DENND1A: variants seen among roughly 807,000 people sequenced by gnomAD.
DENND1A encodes the protein DENN domain-containing protein 1A.
Under a neutral mutation model 113.7 loss-of-function variants are expected in DENND1A, and 51 were observed. The ratio of observed to expected loss-of-function variants is 0.45; its 90% confidence interval spans 0.36 to 0.57. DENND1A has a LOEUF of 0.57. Among genes scored for constraint, DENND1A ranks in the 20% least tolerant of loss-of-function variants. The pLI is 0.00. For missense variants in DENND1A, 1,258 were observed against 1,395.9 expected (o/e 0.90, Z 1.57); for synonymous variants, 565 against 570.8 (o/e 0.99, Z 0.14).
At chr9:123,659,974 C>CGAA (rs2063147388) in intron 8 of DENND1A, among the ~76,000 whole-genome samples, 1 of 152,226 alleles carries the variant, frequency 6.6e-6, no homozygotes, top group Admixed American at 6.5e-5. Context: ...AGAGGAAAGG[C>CGAA]TTTCCTGCTT....
In DENND1A at chr9:123,538,851, T is replaced by TACAC. The variant is rs1425995154; in HGVS notation, c.993+18718_993+18719insGTGT. Reference sequence around the variant, plus strand: ...ATATATATATATATATATATATATATATATATATGAATTCATACATATTTA... The same window carrying TACAC: ...ATATATATATATATATATATATATATACACATATATATGAATTCATACATATTTA... On this transcript the variant is annotated intron_variant, in intron 13 of 23. Transcript: ENST00000394215. Among the ~76,000 whole-genome samples, 74 of 114,574 alleles carry TACAC rather than the reference T, an allele frequency of 6.5e-4. 4 individuals carry two copies. Among genetic ancestry groups the TACAC allele is most frequent in the Non-Finnish European group, 1.2e-3 (65 of 54,880 alleles). The allele number at this position is 114,574 out of a possible 152,430, so 75.2% of individuals were successfully genotyped here.
intron 13 of DENND1A, among the ~76,000 whole-genome samples, chr9:123,524,459 G>T (rs2054645194): frequency 6.6e-6 from 1 of 152,222 alleles, no homozygotes; most frequent in Admixed American, 6.5e-5. Context: ...CTGAGTGAAG[G>T]CGGCAGGGTG....
At chr9:123,874,570 T>C (rs1194825919) in intron 2 of DENND1A, among the ~76,000 whole-genome samples, 3 of 152,166 alleles carry the variant, frequency 2.0e-5, no homozygotes, top group African/African-American at 7.2e-5. Flanking sequence ...GAGGCTGCAA[T>C]GAACTATGAT....
intron 5 of DENND1A, among the ~76,000 whole-genome samples, chr9:123,732,310 T>C (rs994034637): frequency 6.6e-6 from 1 of 152,184 alleles, no homozygotes; most frequent in Admixed American, 6.5e-5. Context: ...CAATAGCGAA[T>C]AAACAAACTA....
At chr9:123,885,020 C>T (rs1336064814) in intron 1 of DENND1A, among the ~76,000 whole-genome samples, 1 of 149,740 alleles carries the variant, frequency 6.7e-6, no homozygotes, top group Non-Finnish European at 1.5e-5. Flanking sequence ...CACACACACA[C>T]ACACACACAC....
intron 9 of DENND1A, among the ~76,000 whole-genome samples, chr9:123,650,898 C>T (rs910189019): frequency 2.6e-4 from 28 of 108,174 alleles, no homozygotes; most frequent in South Asian, 1.3e-3. Flanking sequence ...CAGAGTAAGA[C>T]TCTGTCTCAA....
At chr9:123,887,816 C>T (rs1588095427) in intron 1 of DENND1A, among the ~76,000 whole-genome samples, 3 of 152,056 alleles carry the variant, frequency 2.0e-5, no homozygotes, top group Non-Finnish European at 4.4e-5. Flanking sequence ...CCCAAGGCTA[C>T]TTGGAAGACA....
chr9:123,527,609 T>C (rs779272636), intron 13 of DENND1A, among the ~76,000 whole-genome samples: 5 of 152,108 alleles, frequency 3.3e-5, no homozygotes, highest in Non-Finnish European at 7.4e-5. Flanking sequence ...CCCCAATTCC[T>C]AGTTGGGTAC....
chr9:123,483,046 A>G (rs957046645), intron 13 of DENND1A, among the ~76,000 whole-genome samples: 3 of 152,224 alleles, frequency 2.0e-5, no homozygotes, highest in Admixed American at 6.5e-5. Context: ...TGATCTGCCA[A>G]GGAAGCACTG....
chr9:123,893,104 G>T (rs528985391), intron 1 of DENND1A, among the ~76,000 whole-genome samples: 4 of 149,034 alleles, frequency 2.7e-5, no homozygotes, highest in Non-Finnish European at 5.9e-5. Flanking sequence ...AGGATTATAT[G>T]TTTTTAAAAA....
chr9:123,603,804 G>A (rs570089451), intron 11 of DENND1A, among the ~76,000 whole-genome samples: 3 of 152,130 alleles, frequency 2.0e-5, no homozygotes, highest in Non-Finnish European at 2.9e-5. Context: ...CTAATACTTC[G>A]AAGAAAGCCA....
In DENND1A at chr9:123,452,275, C is replaced by T; in HGVS notation, c.1299+1G>A. 4 of 1,614,108 alleles carry T rather than the reference C, an allele frequency of 2.5e-6. No homozygotes were observed. The highest frequency in any genetic ancestry group is 3.4e-6 in the Non-Finnish European group (4 of 1,179,946). ...CTCCTGACAGCAAGACCAGTACTTA[C>T]GAACTTGTAGACAGTCTTCATGGCC... On this transcript the variant is annotated splice_donor_variant, in intron 17 of 23. Transcript: ENST00000394215. LOFTEE classifies it high-confidence loss of function.
At chr9:123,513,686 T>A (rs974156748) in intron 13 of DENND1A, among the ~76,000 whole-genome samples, 2 of 152,192 alleles carry the variant, frequency 1.3e-5, no homozygotes, top group Admixed American at 6.5e-5. Flanking sequence ...AAAGACAGCA[T>A]CATACCAAGA....
intron 5 of DENND1A, among the ~76,000 whole-genome samples, chr9:123,753,522 G>A (rs564616532): frequency 2.0e-5 from 3 of 152,328 alleles, no homozygotes; most frequent in African/African-American, 7.2e-5. Flanking sequence ...AATGAGTTTG[G>A]TAATGTGAAC....
chr9:123,417,394 T>C (rs977744001), intron 19 of DENND1A, among the ~76,000 whole-genome samples: 1 of 152,266 alleles, frequency 6.6e-6, no homozygotes, highest in Non-Finnish European at 1.5e-5. Context: ...TAACTTCTGT[T>C]CTTTCTTTTG....
At chr9:123,899,266 T>C (rs147381967) in intron 1 of DENND1A, among the ~76,000 whole-genome samples, 94 of 152,278 alleles carry the variant, frequency 6.2e-4, no homozygotes, top group Middle Eastern at 6.8e-3. Context: ...AATTCATCCT[T>C]CTCGACCTCA....
At chr9:123,456,639 T>C (rs992979290) in intron 15 of DENND1A, among the ~76,000 whole-genome samples, 1 of 152,106 alleles carries the variant, frequency 6.6e-6, no homozygotes, top group African/African-American at 2.4e-5. Flanking sequence ...GGCGAAACCC[T>C]GTCTCTACTA....
At chr9:123,740,942 G>GAGAGAGAGAGAGAA (rs2068971187) in intron 5 of DENND1A, among the ~76,000 whole-genome samples, 1 of 146,666 alleles carries the variant, frequency 6.8e-6, no homozygotes, top group Non-Finnish European at 1.5e-5. Flanking sequence ...GAGAGAGAGA[G>GAGAGAGAGAGAGAA]TATGGACAGG....
At chr9:123,875,315 C>G (rs1001724352) in intron 2 of DENND1A, among the ~76,000 whole-genome samples, 3 of 152,138 alleles carry the variant, frequency 2.0e-5, no homozygotes, top group Non-Finnish European at 4.4e-5. Context: ...GCAAACCCAC[C>G]TGTAACATTT....
Sources: gnomAD v4.1 joint callset for allele counts (sites outside exome capture counted in the v4.1 genomes callset) on GRCh38, gnomAD v4.1.1 for gene constraint, MANE v1.5 for transcripts, NCBI Gene and HGNC (gene_info 2026-07-23, HGNC 2026-07-21) for gene names.